The following SMIM36 variants were observed in gnomAD, a reference collection of about 807,000 sequenced individuals.
SMIM36 encodes small integral membrane protein 36.
chr17:55,471,131 C>T (rs749685486), intron 3 of SMIM36, among the ~76,000 whole-genome samples: 134 of 152,258 alleles, frequency 8.8e-4, no homozygotes, highest in Middle Eastern at 3.4e-3. Flanking sequence ...CTCCTCCCAG[C>T]CTCTTTTCGC....
At chr17:55,472,310 A>G (rs1015857953) in intron 3 of SMIM36, among the ~76,000 whole-genome samples, 2 of 152,206 alleles carry the variant, frequency 1.3e-5, no homozygotes, top group African/African-American at 4.8e-5. Flanking sequence ...ACTACTTCCC[A>G]ACAAGCCAAA....
chr17:55,515,338 G>T (rs1390156314), upstream of SMIM36, among the ~76,000 whole-genome samples: 1 of 151,970 alleles, frequency 6.6e-6, no homozygotes, highest in Admixed American at 6.6e-5. Flanking sequence ...GCTCACTTGG[G>T]AGCCTCACCT....
At chr17:55,525,877 C>G in the SMIM36 span, among the ~76,000 whole-genome samples, 3 of 151,828 alleles carry the variant, frequency 2.0e-5, no homozygotes, top group Admixed American at 6.6e-5. Context: ...AGACTGGTCT[C>G]GAACTTTTGT....
chr17:55,474,642 G>C (rs1909399509), intron 3 of SMIM36, among the ~76,000 whole-genome samples: 1 of 152,166 alleles, frequency 6.6e-6, no homozygotes, highest in Non-Finnish European at 1.5e-5. Context: ...TTTTGACCTG[G>C]CTTGGATTTC....
chr17:55,496,366 A>G (rs1240777897), intron 1 of SMIM36, among the ~76,000 whole-genome samples: 1 of 152,216 alleles, frequency 6.6e-6, no homozygotes, highest in African/African-American at 2.4e-5. Context: ...CTGGTGTTTA[A>G]TTAAATAATG....
upstream of SMIM36, among the ~76,000 whole-genome samples, chr17:55,513,957 T>A (rs1487680275): frequency 6.6e-6 from 1 of 152,190 alleles, no homozygotes; most frequent in Non-Finnish European, 1.5e-5. Flanking sequence ...AAGGCTATTG[T>A]CTTTGGTTCC....
chr17:55,493,417 A>C (rs1363274909), intron 1 of SMIM36, among the ~76,000 whole-genome samples: 1 of 152,162 alleles, frequency 6.6e-6, no homozygotes, highest in East Asian at 1.9e-4. Flanking sequence ...TATGGATGAG[A>C]ACCAAGCACA....
intron 4 of SMIM36, among the ~76,000 whole-genome samples, chr17:55,464,091 G>A (rs1482250323): frequency 1.3e-5 from 2 of 151,902 alleles, no homozygotes; most frequent in Non-Finnish European, 2.9e-5. Flanking sequence ...CTCCAGCCTG[G>A]GTGACAAAGC....
chr17:55,474,409 A>G (rs1909393128), intron 3 of SMIM36, among the ~76,000 whole-genome samples: 2 of 152,144 alleles, frequency 1.3e-5, no homozygotes. Flanking sequence ...GCATCCTCAG[A>G]GCAGCACGTG....
intron 4 of SMIM36, among the ~76,000 whole-genome samples, chr17:55,454,235 A>G (rs1011127275): frequency 2.6e-5 from 4 of 152,224 alleles, no homozygotes; most frequent in Non-Finnish European, 2.9e-5. Flanking sequence ...TTAAGAGATA[A>G]ATGAAGCCCC....
At chr17:55,514,613 G>A (rs554623827), upstream of SMIM36, among the ~76,000 whole-genome samples, 3 of 152,136 alleles carry the variant, frequency 2.0e-5, no homozygotes, top group Non-Finnish European at 4.4e-5. Context: ...ACAGGTACAT[G>A]CATAACTTAT....
chr17:55,508,792 A>G lies in SMIM36; in HGVS notation c.*174+2087T>C, dbSNP rs1428597283. Among the ~76,000 whole-genome samples, 5 of 152,042 alleles carry G rather than the reference A, an allele frequency of 3.3e-5. 1 individual carries two copies. The East Asian group carries it at 9.7e-4, about 29-fold the overall frequency. The stretch of plus-strand genomic sequence containing the variant: ...ACAAAAATTAGCTGCGTGTGGTGGC[A>G]GATGCCTGTAAGCCCAGCTATTTGG... On this transcript the variant is annotated intron_variant, in intron 1 of 4. Transcript: ENST00000636752.
chr17:55,464,841 G>A (rs1457857871), intron 4 of SMIM36, among the ~76,000 whole-genome samples: 1 of 152,022 alleles, frequency 6.6e-6, no homozygotes, highest in African/African-American at 2.4e-5. Flanking sequence ...TCTTTCATTC[G>A]CTCCTTTGAG....
At chr17:55,516,408 CT>C (rs1484482936), upstream of SMIM36, among the ~76,000 whole-genome samples, 1 of 152,138 alleles carries the variant, frequency 6.6e-6, no homozygotes, top group African/African-American at 2.4e-5. Context: ...AGTCCATAGA[CT>C]TTGAGCCAGG....
chr17:55,499,713 A>ATTC (rs1909874579), intron 1 of SMIM36, among the ~76,000 whole-genome samples: 1 of 152,192 alleles, frequency 6.6e-6, no homozygotes, highest in African/African-American at 2.4e-5. Flanking sequence ...TACTGGAAAA[A>ATTC]GGGAGTCCTA....
chr17:55,479,901 C>T (rs886587450), intron 1 of SMIM36, among the ~76,000 whole-genome samples: 2 of 152,326 alleles, frequency 1.3e-5, no homozygotes, highest in African/African-American at 2.4e-5. Context: ...CACTGGAGAA[C>T]ACTTTTACTT....
rs576468946 is a variant in SMIM36, at chr17:55,472,589, C to T, written c.*348-5261G>A. ...CTTATTGCAAAAGAAAATGCCTATGCTGGCCGGGCTTGGTGGCTCACGCCT... is the reference window on the plus strand; with the variant it reads ...CTTATTGCAAAAGAAAATGCCTATGTTGGCCGGGCTTGGTGGCTCACGCCT... On this transcript the variant is annotated intron_variant, in intron 3 of 4. Coordinates refer to ENST00000636752, the Ensembl canonical transcript of SMIM36. 4.6e-5 allele frequency among the ~76,000 whole-genome samples: 7 copies of T among 152,278 alleles called. No individual in the cohort carries two copies. The East Asian group carries it at 1.4e-3, about 29-fold the overall frequency.
chr17:55,530,300 T>C, the SMIM36 span, among the ~76,000 whole-genome samples: 1 of 152,092 alleles, frequency 6.6e-6, no homozygotes, highest in African/African-American at 2.4e-5. Flanking sequence ...GTGAAAACAG[T>C]TGGTGCTGCT....
At chr17:55,514,984 T>A (rs891675544), upstream of SMIM36, among the ~76,000 whole-genome samples, 1 of 151,868 alleles carries the variant, frequency 6.6e-6, no homozygotes, top group African/African-American at 2.4e-5. Context: ...TATTTCACAG[T>A]TGAGGACATT....
Sources: allele counts gnomAD v4.1 joint callset (sites outside exome capture counted in the v4.1 genomes callset), GRCh38; gene constraint gnomAD v4.1.1; transcripts MANE v1.5; gene names NCBI Gene and HGNC (gene_info 2026-07-23, HGNC 2026-07-21).